Variants in RIPOR2 observed in about 807,000 individuals in gnomAD.
RIPOR2 encodes RHO family interacting cell polarization regulator 2.
Under a neutral mutation model 114.5 loss-of-function variants are expected in RIPOR2, and 39 were observed. The ratio of observed to expected loss-of-function variants is 0.34; its 90% confidence interval spans 0.26 to 0.44. The LOEUF (loss-of-function observed/expected upper bound fraction) is 0.44. Among genes scored for constraint, RIPOR2 ranks in the 20% least tolerant of loss-of-function variants. RIPOR2 has a pLI of 1.00. For missense variants in RIPOR2, 1,007 were observed against 1,255.1 expected, an observed-to-expected ratio of 0.80 and a Z score of 2.99; for synonymous variants, 445 against 484.4, an observed-to-expected ratio of 0.92 and a Z score of 1.07.
intron 1 of RIPOR2, chr6:24,976,436 G>A: frequency 1.3e-6 from 2 of 1,562,432 alleles, no homozygotes; most frequent in Middle Eastern, 1.7e-4. Context: ...ACCCCACCAT[G>A]TTCTTCGACA....
At chr6:24,924,011 C>T (rs1032742283) in intron 1 of RIPOR2, among the ~76,000 whole-genome samples, 1 of 152,102 alleles carries the variant, frequency 6.6e-6, no homozygotes, top group African/African-American at 2.4e-5. Context: ...TTTTAGCGCT[C>T]TCCTGTCGTG....
chr6:24,940,976 T>A (rs1772097430), intron 1 of RIPOR2, among the ~76,000 whole-genome samples: 3 of 152,094 alleles, frequency 2.0e-5, no homozygotes, highest in Admixed American at 6.5e-5. Context: ...TTAATAGTAT[T>A]CTTGTTTTCA....
chr6:24,932,496 T>C (rs1361891127), intron 1 of RIPOR2, among the ~76,000 whole-genome samples: 2 of 152,168 alleles, frequency 1.3e-5, no homozygotes, highest in East Asian at 3.8e-4. Flanking sequence ...ACAAGAGCAG[T>C]TACACACCAA....
intron 1 of RIPOR2, among the ~76,000 whole-genome samples, chr6:25,028,060 A>G (rs1409375683): frequency 6.6e-6 from 1 of 152,208 alleles, no homozygotes. Context: ...CGTCCTGCAT[A>G]AAAAAGTATT....
upstream of RIPOR2, chr6:25,042,133 T>G (rs1373061000): frequency 2.1e-6 from 1 of 486,204 alleles, no homozygotes; most frequent in African/African-American, 2.0e-5. Flanking sequence ...TTTCCTTCCC[T>G]TAACTTCCGA....
chr6:24,990,229 A>G (rs1302454852), intron 1 of RIPOR2, among the ~76,000 whole-genome samples: 2 of 152,230 alleles, frequency 1.3e-5, no homozygotes, highest in African/African-American at 2.4e-5. Flanking sequence ...ATAACGTCTC[A>G]GTGTGCTGAA....
chr6:24,843,465 C>T lies in RIPOR2; in HGVS notation c.1254G>A (p.Gly418=), dbSNP rs758344903. 1 of 1,600,022 alleles carries T rather than the reference C, an allele frequency of 6.2e-7. No individual in the cohort carries two copies. Among genetic ancestry groups the T allele is most frequent in the Admixed American group, 1.7e-5 (1 of 59,180 alleles). ...LSLSFSDLPN[G]DCALTSHSTG... ...TTGAGTGGGAGGTGAGGGCGCAGTC[C>T]CCGTTGGGCAGGTCACTGAAGCTGA... The change falls in exon 13 of 22, where the codon GGG becomes GGA. Residue 418 remains glycine, a synonymous_variant. Transcript: ENST00000643898.
chr6:24,927,218 CTACCACCAG>C lies in RIPOR2; in HGVS notation c.61+8611_61+8619del, dbSNP rs1193796063. 5.9e-5 allele frequency among the ~76,000 whole-genome samples: 7 copies of C among 118,138 alleles called. 1 individual carries two copies. The highest frequency in any genetic ancestry group is 9.3e-5 in the Admixed American group (1 of 10,746). The allele number at this position is 118,138 out of a possible 152,430, so 77.5% of individuals were successfully genotyped here. On this transcript the variant is annotated intron_variant, in intron 1 of 21. Coordinates refer to ENST00000643898, the MANE Select transcript of RIPOR2 (RefSeq NM_001286445.3). ...ACAACTACAAGCACCACCACCACCA[CTACCACCAG>C]CACCACCACAACTACAATCACCACC... is the stretch of plus-strand genomic sequence containing the variant.
intron 12 of RIPOR2, among the ~76,000 whole-genome samples, chr6:24,845,102 G>A (rs10498721): frequency 0.16 from 24,341 of 151,684 alleles, 2,220 homozygotes; most frequent in African/African-American, 0.24. Context: ...CAGGACGAGT[G>A]AAATGATGTG....
intron 1 of RIPOR2, among the ~76,000 whole-genome samples, chr6:24,933,553 GGCCTT>G (rs1440181149): frequency 2.6e-5 from 4 of 152,194 alleles, no homozygotes; most frequent in Non-Finnish European, 5.9e-5. Context: ...ACTGGATGTT[GGCCTT>G]GCAAGGATTT....
chr6:24,957,412 T>A (rs1413697890), intron 1 of RIPOR2, among the ~76,000 whole-genome samples: 1 of 152,170 alleles, frequency 6.6e-6, no homozygotes, highest in Non-Finnish European at 1.5e-5. Context: ...ACATAGCTGG[T>A]AAATGGGTGG....
intron 1 of RIPOR2, among the ~76,000 whole-genome samples, chr6:24,991,655 T>A (rs1774821302): frequency 1.3e-5 from 2 of 152,344 alleles, no homozygotes; most frequent in South Asian, 4.1e-4. Context: ...GCTGGGCCTC[T>A]TGGAGCCCTG....
At chr6:24,928,019 A>G (rs1771094545) in intron 1 of RIPOR2, among the ~76,000 whole-genome samples, 1 of 152,188 alleles carries the variant, frequency 6.6e-6, no homozygotes, top group Non-Finnish European at 1.5e-5. Context: ...GTGATTTTTT[A>G]CTCAGATTGT....
At chr6:24,942,994 T>C (rs1052149303) in intron 1 of RIPOR2, among the ~76,000 whole-genome samples, 1 of 152,212 alleles carries the variant, frequency 6.6e-6, no homozygotes, top group African/African-American at 2.4e-5. Flanking sequence ...TGCCCATGCC[T>C]ATGTCCTGAA....
chr6:24,981,321 C>G (rs1232187854), intron 1 of RIPOR2, among the ~76,000 whole-genome samples: 1 of 152,214 alleles, frequency 6.6e-6, no homozygotes, highest in African/African-American at 2.4e-5. Flanking sequence ...ACCCTGCGCA[C>G]TTTTTCTTCT....
chr6:24,868,094 T>A (rs560858901), intron 6 of RIPOR2, among the ~76,000 whole-genome samples: 104 of 152,330 alleles, frequency 6.8e-4, no homozygotes, highest in African/African-American at 2.4e-3. Flanking sequence ...ATAGGAGCAA[T>A]TTCAGATTTG....
intron 13 of RIPOR2, chr6:24,839,676 C>G: frequency 6.6e-7 from 1 of 1,525,308 alleles, no homozygotes; most frequent in South Asian, 1.3e-5. Flanking sequence ...ACCACAAAGC[C>G]TTGGGAAACA....
intron 20 of RIPOR2, among the ~76,000 whole-genome samples, chr6:24,811,417 A>G (rs2113629142): frequency 8.8e-6 from 1 of 113,754 alleles, no homozygotes; most frequent in South Asian, 2.8e-4. Context: ...TTGTATTTTT[A>G]GTAGAGACGG....
At chr6:24,958,177 T>C (rs556201126) in intron 1 of RIPOR2, among the ~76,000 whole-genome samples, 175 of 152,198 alleles carry the variant, frequency 1.1e-3, no homozygotes, top group Non-Finnish European at 2.2e-3. Context: ...TGAAACACTA[T>C]AGAACACTAA....
Sources: gnomAD v4.1 joint callset for allele counts (sites outside exome capture counted in the v4.1 genomes callset) on GRCh38, gnomAD v4.1.1 for gene constraint, MANE v1.5 for transcripts, NCBI Gene and HGNC (gene_info 2026-07-23, HGNC 2026-07-21) for gene names.